RAB11FIP3: variants seen among roughly 807,000 people sequenced by gnomAD.
The protein encoded by RAB11FIP3 is RAB11 family interacting protein 3, also known as rab11 family-interacting protein 3.
In RAB11FIP3, 17 loss-of-function variants were observed where a neutral mutation model predicts 77.8. The observed-to-expected ratio is 0.22, with a 90% CI of 0.15 to 0.33. The LOEUF is 0.33. Ranked by LOEUF, RAB11FIP3 falls within the 10% of genes least tolerant of loss-of-function variation. The probability of loss-of-function intolerance (pLI) is 1.00; values close to 1 mark genes in which losing one functional copy is unlikely to be tolerated. For synonymous variants in RAB11FIP3, 437 were observed against 448.2 expected (o/e 0.98, Z 0.31); for missense variants, 1,005 against 1,011.2 (o/e 0.99, Z 0.08).
At chr16:438,590 T>C (rs2055171850) in intron 1 of RAB11FIP3, among the ~76,000 whole-genome samples, 1 of 149,624 alleles carries the variant, frequency 6.7e-6, no homozygotes, top group Non-Finnish European at 1.5e-5. Flanking sequence ...ATGTTCATAT[T>C]GGCCAGGCTG....
At chr16:491,779 TGCACATATTGACGTGCCCGTTGG>T (rs1034816028) in intron 5 of RAB11FIP3, among the ~76,000 whole-genome samples, 10 of 152,222 alleles carry the variant, frequency 6.6e-5, no homozygotes, top group African/African-American at 2.2e-4. Flanking sequence ...TTGAGTGCTT[TGCACATATTGACGTGCCCGTTGG>T]GCATCGTGTT....
chr16:522,241 A>G lies in RAB11FIP3; in HGVS notation c.*1402A>G, dbSNP rs1240106356. 1.5e-5 allele frequency: 2 copies of G among 129,678 alleles called. No homozygotes were observed. Among genetic ancestry groups the G allele is most frequent in the East Asian group, 2.3e-4 (1 of 4,264 alleles). 8.0% of individuals were successfully genotyped at this position (129,678 alleles called of 1,614,324 possible). ...TTTCAAGAGAAAACTGTGTATACAC[A>G]TGAAATATATATATATATATATATA... On this transcript the variant is annotated 3_prime_UTR_variant, in exon 14 of 14. Coordinates refer to ENST00000262305, the MANE Select transcript of RAB11FIP3 (RefSeq NM_014700.4).
intron 2 of RAB11FIP3, among the ~76,000 whole-genome samples, chr16:467,548 C>G (rs369818444): frequency 0.015 from 671 of 45,018 alleles, 1 homozygote; most frequent in East Asian, 0.03. Flanking sequence ...GTGCAGGGGC[C>G]TCAGGGAGGA....
chr16:517,223 G>A (rs2032456403), intron 9 of RAB11FIP3, among the ~76,000 whole-genome samples: 1 of 152,162 alleles, frequency 6.6e-6, no homozygotes, highest in Non-Finnish European at 1.5e-5. Context: ...CGTCAAGGTC[G>A]GAAAACACAG....
chr16:452,212 G>A (rs1287352516), intron 1 of RAB11FIP3, among the ~76,000 whole-genome samples: 3 of 150,430 alleles, frequency 2.0e-5, no homozygotes, highest in Admixed American at 1.3e-4. Context: ...GTGGGGGCCT[G>A]TAGTCCCAGG....
intron 1 of RAB11FIP3, among the ~76,000 whole-genome samples, chr16:435,806 A>G (rs2055118151): frequency 6.6e-6 from 1 of 152,096 alleles, no homozygotes; most frequent in Non-Finnish European, 1.5e-5. Flanking sequence ...AAGATAAAAT[A>G]TTTACATACT....
rs1324863974 is a variant in RAB11FIP3, at chr16:506,947, G to A, written c.1499+1320G>A. ...CTCCTCCTTGTCAAGGAGAATCCGG[G>A]GGGCTGCCAGATGCACTTGTTTTGT... On this transcript the variant is annotated intron_variant, in intron 8 of 13. Coordinates refer to ENST00000262305, the MANE Select transcript of RAB11FIP3 (RefSeq NM_014700.4). The surrounding 1 kb of genome is among the most constrained non-coding windows in gnomAD (Gnocchi z 4.5). 1.3e-5 allele frequency among the ~76,000 whole-genome samples: 2 copies of A among 152,062 alleles called. No individual in the cohort carries two copies. Among genetic ancestry groups the A allele is most frequent in the African/African-American group, 4.8e-5 (2 of 41,396 alleles).
rs2055610243 is a variant in RAB11FIP3, at chr16:461,729, A to G, written c.808+232A>G. Among the ~76,000 whole-genome samples, 1 of 152,190 alleles carries G rather than the reference A, an allele frequency of 6.6e-6. No individual in the cohort carries two copies. The highest frequency in any genetic ancestry group is 2.1e-4 in the South Asian group (1 of 4,830). ...TAACTACTTTTCCATAATGCTAGAAAGCAACTGCCCCCTTCCTCAAAGATT... is the reference window on the plus strand; with the variant it reads ...TAACTACTTTTCCATAATGCTAGAAGGCAACTGCCCCCTTCCTCAAAGATT... On this transcript the variant is annotated intron_variant, in intron 2 of 13. Transcript: ENST00000262305. This position sits in a 1 kb window ranked among gnomAD's most constrained non-coding sequence, Gnocchi z 4.5.
chr16:432,789 A>C (rs925421745), intron 1 of RAB11FIP3, among the ~76,000 whole-genome samples: 24 of 151,520 alleles, frequency 1.6e-4, no homozygotes, highest in Non-Finnish European at 3.2e-4. Context: ...TATTTTTAAT[A>C]GAGATGGGGT....
chr16:519,620 T>A, intron 10 of RAB11FIP3, 134 bp from the exon 11 acceptor site: 1 of 1,199,900 alleles, frequency 8.3e-7, no homozygotes, highest in East Asian at 2.5e-5. Context: ...GACCCAGCCC[T>A]GTCGCGCTCC....
chr16:522,962 C>G lies in RAB11FIP3; in HGVS notation c.*2123C>G, dbSNP rs916503468. 3.9e-5 allele frequency: 6 copies of G among 152,492 alleles called. No individual in the cohort carries two copies. The highest frequency in any genetic ancestry group is 7.3e-5 in the Non-Finnish European group (5 of 68,296). The allele number at this position is 152,492 out of a possible 1,614,324, so 9.4% of individuals were successfully genotyped here. On this transcript the variant is annotated 3_prime_UTR_variant, in exon 14 of 14. Transcript: ENST00000262305. ...TTGAACCCGGGAGTTCAAGACCAGC[C>G]TGGGCAACATAGCAAGGCCCCATCT...
intron 3 of RAB11FIP3, among the ~76,000 whole-genome samples, chr16:481,041 T>A (rs1305934567): frequency 1.8e-5 from 1 of 54,974 alleles, no homozygotes; most frequent in African/African-American, 4.0e-5. Context: ...ACTCCCAACC[T>A]CAGGTGATCC....
At chr16:478,989 G>T (rs1268902392) in intron 3 of RAB11FIP3, among the ~76,000 whole-genome samples, 1 of 150,852 alleles carries the variant, frequency 6.6e-6, no homozygotes, top group African/African-American at 2.4e-5. Flanking sequence ...ATTAGAAAAA[G>T]AAAAAAAAAG....
intron 1 of RAB11FIP3, among the ~76,000 whole-genome samples, chr16:450,177 TTC>T (rs2055383631): frequency 6.6e-6 from 1 of 151,964 alleles, no homozygotes; most frequent in African/African-American, 2.4e-5. Context: ...CAAACTTTTT[TTC>T]TCTTTCTTGA....
Position 520,256 on chromosome 16 carries a change from G to A in RAB11FIP3, c.1995G>A (p.Gln665=). 1 of 1,547,460 alleles carries A rather than the reference G, an allele frequency of 6.5e-7. No homozygotes were observed. Among genetic ancestry groups the A allele is most frequent in the Non-Finnish European group, 8.7e-7 (1 of 1,149,000 alleles). The change falls in exon 12 of 14, where the codon CAG becomes CAA. Residue 665 remains glutamine (Q), a synonymous_variant. Coordinates refer to ENST00000262305, the MANE Select transcript of RAB11FIP3 (RefSeq NM_014700.4). ...GCGCCCGGGAGAGCGAGCTGGAGCA[G>A]GAGGTCCGCAGGCTGAAGCAGGTGG... ...HSRARESELE[Q]EVRRLKQDNR...
At chr16:431,165 G>T (rs1043410451) in intron 1 of RAB11FIP3, among the ~76,000 whole-genome samples, 1 of 152,104 alleles carries the variant, frequency 6.6e-6, no homozygotes, top group Non-Finnish European at 1.5e-5. Flanking sequence ...GTGTCTGCAG[G>T]ATCAGGGATG....
chr16:427,684 T>A (rs1316850051), intron 1 of RAB11FIP3, among the ~76,000 whole-genome samples: 1 of 152,236 alleles, frequency 6.6e-6, no homozygotes, highest in Non-Finnish European at 1.5e-5. Flanking sequence ...TATTTTGACT[T>A]CTCACACATG....
rs186140166 is a variant in RAB11FIP3, at chr16:505,893, C to T, written c.1499+266C>T. On this transcript the variant is annotated intron_variant, in intron 8 of 13. Transcript: ENST00000262305. The surrounding 1 kb of genome is among the most constrained non-coding windows in gnomAD (Gnocchi z 4.0). ...GAGGGCACTGCCTCCCTCTCGGGAG[C>T]GCTGAGACCTGACCCACACAGAGGA... is the stretch of plus-strand genomic sequence containing the variant. Among the ~76,000 whole-genome samples the T allele has an allele frequency of 5.4e-4, 82 of 152,278 alleles. 1 individual carries two copies. Among genetic ancestry groups the T allele is most frequent in the Admixed American group, 4.7e-3 (72 of 15,292 alleles).
intron 1 of RAB11FIP3, among the ~76,000 whole-genome samples, chr16:429,467 T>G (rs1220761623): frequency 6.6e-6 from 1 of 152,058 alleles, no homozygotes; most frequent in Non-Finnish European, 1.5e-5. Flanking sequence ...GTCACATTAC[T>G]GTCCTTGATG....
Sources: allele counts gnomAD v4.1 joint callset (sites outside exome capture counted in the v4.1 genomes callset), GRCh38; gene constraint gnomAD v4.1.1; non-coding constraint Gnocchi (gnomAD v3.1); transcripts MANE v1.5; gene names NCBI Gene and HGNC (gene_info 2026-07-23, HGNC 2026-07-21).